The following SGK3 variants were observed in gnomAD, a reference collection of about 807,000 sequenced individuals.
SGK3 encodes serine/threonine-protein kinase Sgk3.
In SGK3, 47 loss-of-function variants were observed where a neutral mutation model predicts 68.5. The observed-to-expected ratio is 0.69, with a 90% CI of 0.54 to 0.87. The LOEUF is 0.87. Ranked by LOEUF, SGK3 falls within the 40% of genes least tolerant of loss-of-function variation. The pLI, the probability that SGK3 is intolerant of heterozygous loss-of-function variation, is 0.00. For synonymous variants in SGK3, 181 were observed against 189.1 expected (o/e 0.96, Z 0.35); for missense variants, 479 against 575.5 (o/e 0.83, Z 1.72).
intron 6 of SGK3, among the ~76,000 whole-genome samples, chr8:66,822,872 C>T (rs1808901520): frequency 6.6e-6 from 1 of 152,162 alleles, no homozygotes; most frequent in African/African-American, 2.4e-5. Context: ...CCACCTGCCT[C>T]AGCCTCTCAG....
chr8:66,805,088 T>A (rs1489392940), intron 4 of SGK3, among the ~76,000 whole-genome samples: 2 of 152,022 alleles, frequency 1.3e-5, no homozygotes, highest in Admixed American at 6.6e-5. Flanking sequence ...AAAAATTTTT[T>A]AATTGATCCT....
intron 1 of SGK3, among the ~76,000 whole-genome samples, chr8:66,733,223 A>T (rs1805219780): frequency 6.6e-6 from 1 of 152,228 alleles, no homozygotes; most frequent in African/African-American, 2.4e-5. Flanking sequence ...TAGGCTTTGC[A>T]GGTCTTGGCA....
chr8:66,798,154 G>A (rs1017025954), intron 2 of SGK3, among the ~76,000 whole-genome samples: 3 of 151,846 alleles, frequency 2.0e-5, no homozygotes, highest in Non-Finnish European at 4.4e-5. Context: ...GACTACAGGC[G>A]TGTACACCAT....
intron 1 of SGK3, among the ~76,000 whole-genome samples, chr8:66,747,826 T>C (rs1379093440): frequency 1.3e-5 from 2 of 152,216 alleles, no homozygotes; most frequent in African/African-American, 4.8e-5. Context: ...TTTTAGCCAC[T>C]TAGTAATTTC....
chr8:66,834,396 C>A (rs1462622946), intron 8 of SGK3, among the ~76,000 whole-genome samples: 1 of 152,088 alleles, frequency 6.6e-6, no homozygotes, highest in East Asian at 1.9e-4. Context: ...TAGTTAGTTA[C>A]CTTTGAGAAG....
chr8:66,734,642 A>G (rs1563600804), intron 1 of SGK3, among the ~76,000 whole-genome samples: 1 of 152,240 alleles, frequency 6.6e-6, no homozygotes, highest in East Asian at 1.9e-4. Context: ...CTGGAGGTCA[A>G]CTGTTGTCAA....
intron 1 of SGK3, among the ~76,000 whole-genome samples, chr8:66,723,807 G>A (rs1471495915): frequency 6.6e-6 from 1 of 152,126 alleles, no homozygotes; most frequent in African/African-American, 2.4e-5. Context: ...GTTGTACACA[G>A]TTGACAATTT....
intron 1 of SGK3, among the ~76,000 whole-genome samples, chr8:66,754,009 C>T (rs1226528983): frequency 1.3e-5 from 2 of 152,232 alleles, no homozygotes; most frequent in East Asian, 1.9e-4. Context: ...TCCAATTGCC[C>T]TCTAGGCCCC....
In SGK3 at chr8:66,836,074, G is replaced by A. The variant is rs1413171377; in HGVS notation, c.741G>A (p.Glu247=). The stretch of plus-strand genomic sequence containing the variant: ...TTCTGGATTTTGTTAATGGAGGGGA[G>A]GTGAGTTTTATAATGAGTTTTCTAA... The part of the protein sequence containing the change: ...YFVLDFVNGG[E]LFFHLQRERS... Residue 247 remains glutamate (E), a splice_region_variant and synonymous_variant, in exon 10 of 17, where the codon GAG becomes GAA. Coordinates refer to ENST00000521198, the MANE Select transcript of SGK3 (RefSeq NM_001033578.3). The A allele has an allele frequency of 1.2e-6, 2 of 1,609,288 alleles. No individual in the cohort carries two copies. Among genetic ancestry groups the A allele is most frequent in the Non-Finnish European group, 1.7e-6 (2 of 1,178,360 alleles).
chr8:66,741,949 G>A (rs1805493566), intron 1 of SGK3, among the ~76,000 whole-genome samples: 1 of 152,176 alleles, frequency 6.6e-6, no homozygotes, highest in African/African-American at 2.4e-5. Context: ...GTGCCCCAGG[G>A]CCCCTTAGCA....
intron 1 of SGK3, among the ~76,000 whole-genome samples, chr8:66,786,979 C>G (rs6997204): frequency 4.5e-5 from 6 of 134,594 alleles, no homozygotes; most frequent in Non-Finnish European, 1.5e-5. Flanking sequence ...ACTCTGTAAC[C>G]CAGGCTGGAG....
rs773848171 is a variant in SGK3, at chr8:66,828,688, C to T, written c.452C>T (p.Pro151Leu). The change falls in exon 7 of 17, where the codon CCG becomes CTG. Residue 151 changes from proline to leucine, a missense_variant. This residue lies in a region of SGK3 where 298 missense variants were observed against 329.4 expected (regional missense o/e 0.90). Coordinates refer to ENST00000521198, the MANE Select transcript of SGK3 (RefSeq NM_001033578.3). ...ACCTCACAGAACATCAACCTGGGAC[C>T]GTCTGGAAATCCTCAGTATGTTTAA... is the stretch of plus-strand genomic sequence containing the variant. ...HSTSQNINLG[P>L]SGNPHAKPTD... is the part of the protein sequence containing the mutation. 1.3e-5 allele frequency: 21 copies of T among 1,613,840 alleles called. No homozygotes were observed. The East Asian group carries it at 4.0e-4, about 31-fold the overall frequency.
At chr8:66,808,499 G>GATTT (rs1319784088) in intron 4 of SGK3, among the ~76,000 whole-genome samples, 1 of 151,326 alleles carries the variant, frequency 6.6e-6, no homozygotes, top group Admixed American at 6.6e-5. Context: ...AAGATTTTAA[G>GATTT]TAAAAATCCT....
chr8:66,832,290 A>C (rs532688788), intron 8 of SGK3, among the ~76,000 whole-genome samples: 2 of 152,328 alleles, frequency 1.3e-5, no homozygotes, highest in East Asian at 3.9e-4. Context: ...GAATCATCGA[A>C]TATATTTAAG....
At chr8:66,806,302 T>C (rs868734628) in intron 4 of SGK3, among the ~76,000 whole-genome samples, 2 of 152,216 alleles carry the variant, frequency 1.3e-5, no homozygotes, top group Admixed American at 1.3e-4. Flanking sequence ...TCTTTTTTTA[T>C]TGGCGAACAG....
At chr8:66,811,557 G>A (rs948592789) in intron 4 of SGK3, among the ~76,000 whole-genome samples, 1 of 152,186 alleles carries the variant, frequency 6.6e-6, no homozygotes, top group Admixed American at 6.5e-5. Context: ...AATTCTGACT[G>A]CTACTGGACT....
At chr8:66,718,569 C>T (rs528009490) in intron 1 of SGK3, among the ~76,000 whole-genome samples, 1 of 151,940 alleles carries the variant, frequency 6.6e-6, no homozygotes, top group Admixed American at 6.6e-5. Flanking sequence ...CACTGTGTTG[C>T]TCCCACTGGA....
chr8:66,713,429 C>G (rs1804547903), intron 1 of SGK3, among the ~76,000 whole-genome samples: 1 of 152,238 alleles, frequency 6.6e-6, no homozygotes, highest in Non-Finnish European at 1.5e-5. Flanking sequence ...AGAAAGGAAT[C>G]ATCTCTTGAA....
Position 66,776,625 on chromosome 8 carries a change from CAA to C in SGK3, c.-121-16989_-121-16988del, listed in dbSNP as rs142909257. Among the ~76,000 whole-genome samples, 609 of 152,318 alleles carry C rather than the reference CAA, an allele frequency of 4.0e-3. 7 individuals carry two copies. Among genetic ancestry groups the C allele is most frequent in the African/African-American group, 0.014 (583 of 41,554 alleles). On this transcript the variant is annotated intron_variant, in intron 1 of 16. Transcript: ENST00000521198. ...GCTAGAATTCAGCTCTGCTGATCAA[CAA>C]AGTATAAAATCAAATGATGATGTTA...
Sources: allele counts gnomAD v4.1 joint callset (sites outside exome capture counted in the v4.1 genomes callset), GRCh38; gene constraint gnomAD v4.1.1; regional missense constraint gnomAD v4.1.1; transcripts MANE v1.5; gene names NCBI Gene and HGNC (gene_info 2026-07-23, HGNC 2026-07-21).